Variants in CACNA1A observed in about 807,000 individuals in gnomAD.
CACNA1A encodes the protein voltage-dependent P/Q-type calcium channel subunit alpha-1A.
Under a neutral mutation model 262.4 loss-of-function variants are expected in CACNA1A, and 57 were observed. That is an observed-to-expected ratio of 0.22 (90% CI 0.18 to 0.27). The LOEUF is 0.27. Among genes scored for constraint, CACNA1A ranks in the 10% least tolerant of loss-of-function variants. CACNA1A has a pLI of 1.00. For synonymous variants in CACNA1A, 1,431 were observed against 1,419.3 expected, an observed-to-expected ratio of 1.01 and a Z score of -0.18; for missense variants, 2,526 against 3,562.8, an observed-to-expected ratio of 0.71 and a Z score of 7.41.
Position 13,231,784 on chromosome 19 carries a change from T to G in CACNA1A, c.5326A>C (p.Ile1776Leu). ...SGKPCDKNSGILTRECGNEFA... is the reference protein window; with the variant it reads ...SGKPCDKNSGLLTRECGNEFA... ...TCATTGCCACACTCTCGAGTCAGGATGCCAGAGTTCTTATCACACGGTTTC... is the reference window on the plus strand; with the variant it reads ...TCATTGCCACACTCTCGAGTCAGGAGGCCAGAGTTCTTATCACACGGTTTC... Residue 1776 changes from isoleucine (I) to leucine (L), a missense_variant, in exon 35 of 47, where the codon ATC becomes CTC. Coordinates refer to ENST00000360228, the MANE Select transcript of CACNA1A (RefSeq NM_001127222.2). 1 of 1,613,866 alleles carries G rather than the reference T, an allele frequency of 6.2e-7. No homozygotes were observed. The highest frequency in any genetic ancestry group is 8.5e-7 in the Non-Finnish European group (1 of 1,179,778).
At position 13,343,633 on chromosome 19, in the gene CACNA1A, C is replaced by T. The variant is rs1040398172; in HGVS notation, c.979-7724G>A. Among the ~76,000 whole-genome samples the T allele has an allele frequency of 3.9e-5, 6 of 152,122 alleles. No homozygotes were observed. The South Asian group carries it at 1.0e-3, about 26-fold the overall frequency. ...ATACTGGAATTCTGTCAAGCATCTT[C>T]TCAGACTACCGTGGGATAAAACTAG... On this transcript the variant is annotated intron_variant, in intron 6 of 46. Transcript: ENST00000360228.
At chr19:13,312,482 G>A (rs967242170) in intron 12 of CACNA1A, among the ~76,000 whole-genome samples, 187 bp downstream of exon 12, 1 of 152,164 alleles carries the variant, frequency 6.6e-6, no homozygotes, top group African/African-American at 2.4e-5. Context: ...TCCCACTGGC[G>A]GTGGTTGAGG....
intron 19 of CACNA1A, among the ~76,000 whole-genome samples, chr19:13,291,715 G>A (rs1179546829): frequency 6.6e-6 from 1 of 151,998 alleles, no homozygotes; most frequent in Non-Finnish European, 1.5e-5. Context: ...GCTGAGGTGG[G>A]AAGATCATTT....
intron 3 of CACNA1A, among the ~76,000 whole-genome samples, chr19:13,415,614 G>A (rs1487762105): frequency 1.3e-5 from 2 of 151,828 alleles, no homozygotes; most frequent in African/African-American, 2.4e-5. Flanking sequence ...GGTGGTGCAC[G>A]CCTGTAGTCC....
At chr19:13,276,102 C>G (rs2057141334) in intron 23 of CACNA1A, 146 bp from the exon 24 acceptor site, 1 of 601,696 alleles carries the variant, frequency 1.7e-6, no homozygotes, top group Non-Finnish European at 3.0e-6. Flanking sequence ...CCAGAGGACT[C>G]CAGGGAGGAG....
At chr19:13,371,387 T>C in intron 4 of CACNA1A, 1 of 286,000 alleles carries the variant, frequency 3.5e-6, no homozygotes, top group Non-Finnish European at 6.6e-6. Flanking sequence ...AATAGAGACA[T>C]CAGTCCTATC....
At chr19:13,370,612 A>G (rs8103499) in intron 4 of CACNA1A, among the ~76,000 whole-genome samples, 27,759 of 147,904 alleles carry the variant, frequency 0.19, 5,001 homozygotes, top group African/African-American at 0.43. Flanking sequence ...TTTTTGAGAC[A>G]GGGTTTCGCC....
intron 18 of CACNA1A, 26 bp from the exon 19 acceptor site, chr19:13,299,379 A>C: frequency 6.3e-7 from 1 of 1,593,198 alleles, no homozygotes; most frequent in Non-Finnish European, 8.5e-7. Context: ...CACAGGACTT[A>C]GAGCATTGCT....
intron 19 of CACNA1A, among the ~76,000 whole-genome samples, chr19:13,288,770 A>G (rs937199427): frequency 6.6e-6 from 1 of 152,178 alleles, no homozygotes; most frequent in Middle Eastern, 3.2e-3. Flanking sequence ...CCATAAATCT[A>G]TCTAGAAAGA....
chr19:13,326,140 A>AC (rs2058357302), intron 10 of CACNA1A, among the ~76,000 whole-genome samples: 1 of 151,536 alleles, frequency 6.6e-6, no homozygotes, highest in South Asian at 2.1e-4. Flanking sequence ...ACATGGTGAA[A>AC]CCCCATCTCT....
At chr19:13,294,213 A>C (rs1211362653) in intron 19 of CACNA1A, among the ~76,000 whole-genome samples, 2 of 149,636 alleles carry the variant, frequency 1.3e-5, no homozygotes, top group Admixed American at 6.7e-5. Context: ...CAAAAAAAAA[A>C]AAAAAACAAA....
At chr19:13,425,095 C>T (rs558244853) in intron 3 of CACNA1A, among the ~76,000 whole-genome samples, 5 of 152,226 alleles carry the variant, frequency 3.3e-5, no homozygotes, top group East Asian at 1.9e-4. Context: ...TGAGCCACTG[C>T]GCCTGGCCCA....
In CACNA1A at chr19:13,235,323, G is replaced by A. The variant is rs373831178; in HGVS notation, c.5068-49C>T. The A allele has an allele frequency of 4.0e-4, 589 of 1,484,942 alleles. 8 individuals carry two copies. In the South Asian group the frequency reaches 5.4e-3, roughly 14 times the overall value. 92.0% of individuals were successfully genotyped at this position (1,484,942 alleles called of 1,614,324 possible). A position where few individuals can be genotyped will look rare whatever the true frequency, so the allele number is the denominator to read the frequency against. ...GAAGAGTGCTGGGGGTCCCTCAGCC[G>A]CACTGTCTTCCTCCCTTGTCCCAGT... is the stretch of plus-strand genomic sequence containing the variant. On this transcript the variant is annotated intron_variant, in intron 32 of 46. Coordinates refer to ENST00000360228, the MANE Select transcript of CACNA1A (RefSeq NM_001127222.2).
intron 6 of CACNA1A, among the ~76,000 whole-genome samples, chr19:13,345,474 C>CT (rs912699593): frequency 1.2e-4 from 18 of 152,150 alleles, no homozygotes; most frequent in African/African-American, 4.1e-4. Context: ...GTGCCTGGTG[C>CT]TTAGAAAGCG....
intron 15 of CACNA1A, among the ~76,000 whole-genome samples, chr19:13,306,768 C>T (rs1199426189): frequency 1.3e-5 from 2 of 152,156 alleles, no homozygotes; most frequent in Admixed American, 6.6e-5. Flanking sequence ...GGAACAGCTC[C>T]TCTGCCCCAG....
At chr19:13,464,625 T>G (rs2144996485) in intron 1 of CACNA1A, among the ~76,000 whole-genome samples, 1 of 150,670 alleles carries the variant, frequency 6.6e-6, no homozygotes, top group South Asian at 2.1e-4. Flanking sequence ...CTCGGCTCAC[T>G]GCAAGCTCCG....
At position 13,308,585 on chromosome 19, in the gene CACNA1A, C is replaced by T; in HGVS notation, c.1669-57G>A. 8.9e-7 allele frequency: 1 copy of T among 1,123,630 alleles called. No homozygotes were observed. Among genetic ancestry groups the T allele is most frequent in the Admixed American group, 2.2e-5 (1 of 44,804 alleles). The allele number at this position is 1,123,630 out of a possible 1,614,324, so 69.6% of individuals were successfully genotyped here. On this transcript the variant is annotated intron_variant, in intron 12 of 46. Coordinates refer to ENST00000360228, the MANE Select transcript of CACNA1A (RefSeq NM_001127222.2). The surrounding 1 kb of genome is among the most constrained non-coding windows in gnomAD (Gnocchi z 4.2). ...GACAGTGTCTGGGCTCCAGAACTGG[C>T]AAGCATTTCCTAGGTACCAACCTTG...
intron 6 of CACNA1A, among the ~76,000 whole-genome samples, chr19:13,340,149 AG>A (rs1321376458): frequency 4.3e-5 from 4 of 93,376 alleles, no homozygotes; most frequent in Non-Finnish European, 8.2e-5. Flanking sequence ...GATGGGGGAG[AG>A]GGACAGGACT....
intron 43 of CACNA1A, chr19:13,211,619 A>G (rs2054813358): frequency 1.2e-5 from 2 of 170,628 alleles, no homozygotes; most frequent in South Asian, 2.9e-4. Flanking sequence ...GTGTGAGTAC[A>G]TGTGCAGTGT....
Sources: allele counts gnomAD v4.1 joint callset (sites outside exome capture counted in the v4.1 genomes callset), GRCh38; gene constraint gnomAD v4.1.1; non-coding constraint Gnocchi (gnomAD v3.1); transcripts MANE v1.5; gene names NCBI Gene and HGNC (gene_info 2026-07-23, HGNC 2026-07-21).